The following SNAP23 variants were observed in gnomAD, a reference collection of about 807,000 sequenced individuals.
The protein encoded by SNAP23 is synaptosome associated protein 23, also known as synaptosomal-associated protein 23.
A neutral mutation model predicts 29.0 loss-of-function variants in SNAP23; 11 were observed. That is an observed-to-expected ratio of 0.38 (90% CI 0.24 to 0.63). The LOEUF (loss-of-function observed/expected upper bound fraction) is 0.63. Among genes scored for constraint, SNAP23 ranks in the 20% least tolerant of loss-of-function variants. The probability of loss-of-function intolerance (pLI) is 0.58; values close to 1 mark genes in which losing one functional copy is unlikely to be tolerated. For synonymous variants in SNAP23, 60 were observed against 82.9 expected (o/e 0.72, Z 1.50); for missense variants, 220 against 253.9 (o/e 0.87, Z 0.91).
chr15:42,506,458 C>A (rs2057317817), intron 1 of SNAP23, among the ~76,000 whole-genome samples: 1 of 152,204 alleles, frequency 6.6e-6, no homozygotes, highest in Non-Finnish European at 1.5e-5. Context: ...CTAGGCTGGT[C>A]TCAAACTAGC....
upstream of SNAP23, among the ~76,000 whole-genome samples, chr15:42,493,783 A>G (rs948955431): frequency 2.6e-5 from 4 of 151,750 alleles, no homozygotes; most frequent in Admixed American, 6.6e-5. Flanking sequence ...TCCCAATACC[A>G]CCTCCTTTTC....
chr15:42,524,738 A>C (rs1455127901), intron 5 of SNAP23, among the ~76,000 whole-genome samples: 2 of 152,262 alleles, frequency 1.3e-5, no homozygotes, highest in African/African-American at 4.8e-5. Flanking sequence ...CCTTTAAAGC[A>C]TCTAAGACCC....
intron 5 of SNAP23, among the ~76,000 whole-genome samples, chr15:42,524,075 C>T (rs1431454159): frequency 1.3e-5 from 2 of 152,118 alleles, no homozygotes; most frequent in Admixed American, 6.5e-5. Context: ...CTCGGCCTCC[C>T]AAAGTGCTGG....
At chr15:42,514,172 C>G (rs537509429) in intron 4 of SNAP23, among the ~76,000 whole-genome samples, 4 of 150,792 alleles carry the variant, frequency 2.7e-5, no homozygotes, top group Non-Finnish European at 5.9e-5. Flanking sequence ...GAGTCTTACT[C>G]TGTCACCCAG....
intron 1 of SNAP23, among the ~76,000 whole-genome samples, chr15:42,506,694 A>T (rs2057319332): frequency 6.6e-6 from 1 of 152,254 alleles, no homozygotes; most frequent in Admixed American, 6.5e-5. Context: ...ATGGTCTTAT[A>T]GAAAGCATCT....
At chr15:42,492,001 TC>T (rs2057170497), upstream of SNAP23, among the ~76,000 whole-genome samples, 1 of 152,014 alleles carries the variant, frequency 6.6e-6, no homozygotes, top group Non-Finnish European at 1.5e-5. Context: ...ACCTCCACCT[TC>T]CGGGTTCAAG....
chr15:42,496,533 A>G (rs1243943976), intron 1 of SNAP23, among the ~76,000 whole-genome samples: 1 of 152,134 alleles, frequency 6.6e-6, no homozygotes, highest in East Asian at 1.9e-4. Flanking sequence ...CCTGGCCAAC[A>G]TGATGAAATC....
At chr15:42,529,629 T>A (rs1189742981) in intron 6 of SNAP23, 46 bp from the exon 7 acceptor site, 1 of 1,590,762 alleles carries the variant, frequency 6.3e-7, no homozygotes, top group Non-Finnish European at 8.5e-7. Flanking sequence ...CAGACTTTTA[T>A]TTAAATTCAA....
intron 5 of SNAP23, among the ~76,000 whole-genome samples, chr15:42,522,970 G>A (rs561367006): frequency 6.8e-6 from 1 of 147,572 alleles, no homozygotes; most frequent in African/African-American, 2.5e-5. Flanking sequence ...TCAGCCTCAC[G>A]AGTAACTGGG....
At chr15:42,491,679 T>C (rs535887577), upstream of SNAP23, 1 of 152,350 alleles carries the variant, frequency 6.6e-6, no homozygotes, top group African/African-American at 2.4e-5. Context: ...TGTTTATCTA[T>C]GAATGCTGCC....
rs548174298 is a variant in SNAP23 at position 42,499,451 on chromosome 15, G to T, written c.-15+3738G>T. Among the ~76,000 whole-genome samples, 535 of 152,228 alleles carry T rather than the reference G, an allele frequency of 3.5e-3. 3 individuals carry two copies. Among genetic ancestry groups the T allele is most frequent in the Non-Finnish European group, 5.4e-3 (369 of 68,022 alleles). On this transcript the variant is annotated intron_variant, in intron 1 of 7. Coordinates refer to ENST00000249647, the MANE Select transcript of SNAP23 (RefSeq NM_003825.4). The stretch of plus-strand genomic sequence containing the variant: ...TAAACAAAAACAGGCCTGTACTCAT[G>T]GGACAGCTGTGGAGTCTTCACCTAT...
intron 7 of SNAP23, among the ~76,000 whole-genome samples, chr15:42,530,061 T>C (rs1241246354): frequency 6.6e-6 from 1 of 152,206 alleles, no homozygotes. Flanking sequence ...CCTTCACACA[T>C]GAAGCTTAGT....
chr15:42,501,276 C>T (rs1279479602), intron 1 of SNAP23, among the ~76,000 whole-genome samples: 1 of 152,212 alleles, frequency 6.6e-6, no homozygotes, highest in Non-Finnish European at 1.5e-5. Flanking sequence ...TCCTGCCTCA[C>T]CACTGAAGCC....
chr15:42,509,767 G>C (rs764852935), intron 1 of SNAP23, among the ~76,000 whole-genome samples: 1 of 152,034 alleles, frequency 6.6e-6, no homozygotes, highest in Non-Finnish European at 1.5e-5. Flanking sequence ...AAACAGCTAT[G>C]ACAGTAGAAT....
chr15:42,512,850 T>C (rs2057368069), intron 2 of SNAP23, 105 bp from the exon 3 acceptor site: 4 of 816,948 alleles, frequency 4.9e-6, no homozygotes, highest in Non-Finnish European at 8.2e-6. Flanking sequence ...GTGCCCGGCC[T>C]GAGCTGGCAA....
chr15:42,517,815 A>G (rs754513804), intron 5 of SNAP23, among the ~76,000 whole-genome samples: 4 of 152,130 alleles, frequency 2.6e-5, no homozygotes, highest in South Asian at 2.1e-4. Flanking sequence ...GGCTCAAGCA[A>G]TCCACCCACA....
chr15:42,520,045 C>CTTTTTTT (rs201577060), intron 5 of SNAP23, among the ~76,000 whole-genome samples: 17 of 92,964 alleles, frequency 1.8e-4, no homozygotes, highest in East Asian at 3.6e-4. Context: ...AACCCCCTTG[C>CTTTTTTT]TTTTTTTTTT....
upstream of SNAP23, chr15:42,495,212 C>A (rs1363804273): frequency 2.0e-5 from 3 of 152,230 alleles, no homozygotes; most frequent in African/African-American, 7.2e-5. Flanking sequence ...CTCCGGGAAC[C>A]CTTCCAGACA....
intron 1 of SNAP23, among the ~76,000 whole-genome samples, chr15:42,496,535 G>A (rs1194492337): frequency 1.3e-5 from 2 of 152,078 alleles, no homozygotes; most frequent in Non-Finnish European, 2.9e-5. Flanking sequence ...TGGCCAACAT[G>A]ATGAAATCCC....
Sources: allele counts gnomAD v4.1 joint callset (sites outside exome capture counted in the v4.1 genomes callset), GRCh38; gene constraint gnomAD v4.1.1; transcripts MANE v1.5; gene names NCBI Gene and HGNC (gene_info 2026-07-23, HGNC 2026-07-21).